ANKRD11: variants seen among roughly 807,000 people sequenced by gnomAD.
ANKRD11 encodes ankyrin repeat domain-containing protein 11.
A neutral mutation model predicts 195.7 loss-of-function variants in ANKRD11; 17 were observed. The observed-to-expected ratio is 0.09, with a 90% CI of 0.06 to 0.13. The LOEUF is 0.13. ANKRD11 is among the 10% of genes least tolerant of loss of function. The pLI is 1.00. For missense variants in ANKRD11, 3,735 were observed against 3,566.1 expected, an observed-to-expected ratio of 1.05 and a Z score of -1.21; for synonymous variants, 1,953 against 1,528.1, an observed-to-expected ratio of 1.28 and a Z score of -6.49.
chr16:89,392,575 C>T (rs1020969881), intron 2 of ANKRD11: 2 of 151,948 alleles, frequency 1.3e-5, no homozygotes, highest in Non-Finnish European at 2.9e-5. Flanking sequence ...AGTTCAAGAA[C>T]ATGGTCGTGA....
At chr16:89,328,638 G>A (rs1310807613) in intron 2 of ANKRD11, among the ~76,000 whole-genome samples, 4 of 150,600 alleles carry the variant, frequency 2.7e-5, no homozygotes, top group African/African-American at 7.4e-5. Context: ...ACACCCAGGA[G>A]CACGGGCGAA....
intron 2 of ANKRD11, among the ~76,000 whole-genome samples, chr16:89,381,357 G>GGGT (rs1323279296): frequency 1.4e-5 from 2 of 142,278 alleles, no homozygotes; most frequent in Non-Finnish European, 3.0e-5. Context: ...AAAAAAAAGG[G>GGGT]GTGAGAAGGG....
intron 2 of ANKRD11, among the ~76,000 whole-genome samples, chr16:89,411,263 T>C (rs2042101327): frequency 1.3e-5 from 2 of 152,224 alleles, no homozygotes; most frequent in African/African-American, 4.8e-5. Flanking sequence ...TTTGCTCTAC[T>C]TCTCTTTCAA....
chr16:89,281,367 C>T lies in ANKRD11; in HGVS notation c.5175G>A (p.Pro1725=), dbSNP rs760434985. The T allele has an allele frequency of 3.1e-6, 5 of 1,610,190 alleles. No individual in the cohort carries two copies. Among genetic ancestry groups the T allele is most frequent in the Admixed American group, 3.3e-5 (2 of 59,902 alleles). Residue 1725 remains proline, a synonymous_variant, in exon 9 of 13, where the codon CCG becomes CCA. Coordinates refer to ENST00000301030, the MANE Select transcript of ANKRD11 (RefSeq NM_013275.6). The surrounding 1 kb of genome is among the most constrained non-coding windows in gnomAD (Gnocchi z 5.5). ...CCGCGTAGTCATCGGCGCTGCAGGA[C>T]GGGGTCCTGGGCGTGTGCATCACCT... The part of the protein sequence containing the change: ...YEEVMHTPRT[P]SCSADDYADL...
chr16:89,433,430 T>G (rs944365817), intron 1 of ANKRD11, among the ~76,000 whole-genome samples: 15 of 152,220 alleles, frequency 9.9e-5, no homozygotes, highest in African/African-American at 2.9e-4. Flanking sequence ...CCTTTTTCTT[T>G]GCACCTCACT....
chr16:89,401,163 G>A (rs1029152388), intron 2 of ANKRD11, among the ~76,000 whole-genome samples: 1 of 133,316 alleles, frequency 7.5e-6, no homozygotes, highest in African/African-American at 2.9e-5. Context: ...GTGTGATCTC[G>A]ACTCATTGCA....
At chr16:89,362,178 C>T (rs1349445424) in intron 2 of ANKRD11, among the ~76,000 whole-genome samples, 1 of 152,202 alleles carries the variant, frequency 6.6e-6, no homozygotes, top group East Asian at 1.9e-4. Flanking sequence ...TTGTTTTATT[C>T]TTCTGAAATA....
intron 2 of ANKRD11, among the ~76,000 whole-genome samples, chr16:89,371,975 A>AC (rs1260297990): frequency 6.6e-6 from 1 of 152,180 alleles, no homozygotes; most frequent in East Asian, 1.9e-4. Flanking sequence ...GAAAGAACCC[A>AC]CAGAGGCTCT....
At chr16:89,395,991 T>C (rs1396418692) in intron 2 of ANKRD11, 2 of 152,148 alleles carry the variant, frequency 1.3e-5, no homozygotes, top group African/African-American at 4.8e-5. Flanking sequence ...GAAGCACCAA[T>C]CTTCAGTCAA....
intron 2 of ANKRD11, among the ~76,000 whole-genome samples, chr16:89,386,912 C>T (rs1265108580): frequency 6.6e-6 from 1 of 151,714 alleles, no homozygotes; most frequent in Non-Finnish European, 1.5e-5. Context: ...TGCCCCAGCT[C>T]CCCACGCCTC....
intron 1 of ANKRD11, among the ~76,000 whole-genome samples, chr16:89,460,922 C>A (rs910356087): frequency 1.4e-5 from 2 of 144,718 alleles, no homozygotes; most frequent in Admixed American, 6.9e-5. Context: ...AGGAGAGGTG[C>A]CTTGGACAGT....
intron 1 of ANKRD11, chr16:89,418,572 T>C (rs757915494): frequency 2.4e-5 from 5 of 212,152 alleles, no homozygotes; most frequent in Non-Finnish European, 5.0e-5. Context: ...AATGCAGCAA[T>C]TGCAACAACT....
intron 3 of ANKRD11, among the ~76,000 whole-genome samples, chr16:89,306,311 G>T (rs1200379025): frequency 3.7e-5 from 3 of 81,406 alleles, no homozygotes. Context: ...CTCCCCCTCC[G>T]CAGACACGTG....
intron 2 of ANKRD11, among the ~76,000 whole-genome samples, chr16:89,398,729 G>A (rs2041571012): frequency 6.6e-6 from 1 of 151,986 alleles, no homozygotes; most frequent in Non-Finnish European, 1.5e-5. Flanking sequence ...CAGTGACAGA[G>A]AGAGATTGTG....
intron 1 of ANKRD11, among the ~76,000 whole-genome samples, chr16:89,439,643 G>A (rs2043360603): frequency 6.6e-6 from 1 of 151,962 alleles, no homozygotes; most frequent in Non-Finnish European, 1.5e-5. Flanking sequence ...AATCAGCAAA[G>A]AAAAGCTTGT....
In ANKRD11 at chr16:89,274,895, G is replaced by C; in HGVS notation, c.7632C>G (p.Thr2544=). 2 of 1,613,624 alleles carry C rather than the reference G, an allele frequency of 1.2e-6. No homozygotes were observed. The highest frequency in any genetic ancestry group is 1.7e-6 in the Non-Finnish European group (2 of 1,180,000). ...ILRVHCRAAR[T]IANQAVPFSA... ...TGAATGGCACTGCCTGGTTGGCGAT[G>C]GTCCTGGCCGCCCGGCAGTGAACCC... The change falls in exon 11 of 13, where the codon ACC becomes ACG. Residue 2544 remains threonine (T), a synonymous_variant. Coordinates refer to ENST00000301030, the MANE Select transcript of ANKRD11 (RefSeq NM_013275.6).
rs1427419897 is a variant in ANKRD11, at chr16:89,462,212, TG to T, written c.-145+28032del. 8.5e-5 allele frequency among the ~76,000 whole-genome samples: 13 copies of T among 152,306 alleles called. No homozygotes were observed. The East Asian group carries it at 2.5e-3, about 29-fold the overall frequency. On this transcript the variant is annotated intron_variant, in intron 1 of 12. Coordinates refer to ENST00000301030, the MANE Select transcript of ANKRD11 (RefSeq NM_013275.6). ...CTCCTGACTCAGCCTGCCGAGTGCC[TG>T]CGATTGCAGGCTCACGCCGCCACGC...
At chr16:89,335,888 C>T (rs919780093) in intron 2 of ANKRD11, among the ~76,000 whole-genome samples, 2 of 152,190 alleles carry the variant, frequency 1.3e-5, no homozygotes, top group Non-Finnish European at 2.9e-5. Flanking sequence ...GCAGGATCCC[C>T]ACACGCCAGC....
chr16:89,345,577 C>A (rs567947744), intron 2 of ANKRD11, among the ~76,000 whole-genome samples: 78 of 152,322 alleles, frequency 5.1e-4, no homozygotes, highest in Non-Finnish European at 8.4e-4. Flanking sequence ...TATAAATGAA[C>A]CAGTCTCAGG....
Sources: gnomAD v4.1 joint callset for allele counts (sites outside exome capture counted in the v4.1 genomes callset) on GRCh38, gnomAD v4.1.1 for gene constraint, Gnocchi (gnomAD v3.1) non-coding constraint, MANE v1.5 for transcripts, NCBI Gene and HGNC (gene_info 2026-07-23, HGNC 2026-07-21) for gene names.